Variants in CADPS2 observed in about 807,000 individuals in gnomAD.
CADPS2 encodes the protein calcium dependent secretion activator 2, also known as calcium-dependent secretion activator 2.
Under a neutral mutation model 172.5 loss-of-function variants are expected in CADPS2, and 93 were observed. The ratio of observed to expected loss-of-function variants is 0.54; its 90% CI spans 0.46 to 0.64. The LOEUF (loss-of-function observed/expected upper bound fraction) is 0.64. Among genes scored for constraint, CADPS2 ranks in the 30% least tolerant of loss-of-function variants. The pLI is 0.00. For synonymous variants in CADPS2, 546 were observed against 555.2 expected, an observed-to-expected ratio of 0.98 and a Z score of 0.23; for missense variants, 1,420 against 1,565.9, an observed-to-expected ratio of 0.91 and a Z score of 1.57.
chr7:122,559,553 C>T (rs910231943), intron 7 of CADPS2, among the ~76,000 whole-genome samples: 6 of 151,900 alleles, frequency 3.9e-5, no homozygotes, highest in South Asian at 2.1e-4. Context: ...AGGTGGATCA[C>T]GAGGCCAGGA....
At chr7:122,750,337 T>C (rs556168254) in intron 1 of CADPS2, among the ~76,000 whole-genome samples, 7 of 152,280 alleles carry the variant, frequency 4.6e-5, no homozygotes, top group African/African-American at 1.4e-4. Context: ...CTATGCAGTA[T>C]TTGGGATATA....
At chr7:122,595,548 C>T (rs1055191377) in intron 6 of CADPS2, among the ~76,000 whole-genome samples, 1 of 152,122 alleles carries the variant, frequency 6.6e-6, no homozygotes, top group Non-Finnish European at 1.5e-5. Flanking sequence ...TTTCCAGCTA[C>T]TCCAAAGGTA....
At chr7:122,821,077 T>C (rs201631195) in intron 1 of CADPS2, among the ~76,000 whole-genome samples, 29,113 of 150,468 alleles carry the variant, frequency 0.19, 2,747 homozygotes, top group Middle Eastern at 0.29. Flanking sequence ...CCACAATTAC[T>C]GTTGTTCCTG....
At chr7:122,673,021 C>G (rs2082020100) in intron 2 of CADPS2, among the ~76,000 whole-genome samples, 1 of 152,150 alleles carries the variant, frequency 6.6e-6, no homozygotes, top group Non-Finnish European at 1.5e-5. Flanking sequence ...AAGCTGCAGA[C>G]CTTCGCAGTG....
At chr7:122,388,277 T>C (rs1021066966) in intron 23 of CADPS2, among the ~76,000 whole-genome samples, 16 of 151,960 alleles carry the variant, frequency 1.1e-4, no homozygotes, top group African/African-American at 2.9e-4. Context: ...TCAGGAGATA[T>C]TACCTTGGGA....
At chr7:122,674,748 G>A (rs932326789) in intron 2 of CADPS2, among the ~76,000 whole-genome samples, 5 of 152,144 alleles carry the variant, frequency 3.3e-5, no homozygotes, top group African/African-American at 1.2e-4. Flanking sequence ...AAATCATTGT[G>A]GCTATGAGAT....
At position 122,664,961 on chromosome 7, in the gene CADPS2, AT is replaced by A. The variant is rs3034542; in HGVS notation, c.454-1393del. ...CCATCATGCCTGGGCTAGTTTTTGT[AT>A]TTTTTTTTTTTTTTTTTGTAGATAT... On this transcript the variant is annotated intron_variant, in intron 2 of 29. Transcript: ENST00000449022. 9.0e-3 allele frequency among the ~76,000 whole-genome samples: 1,224 copies of A among 135,546 alleles called. 12 individuals carry two copies. Among genetic ancestry groups the A allele is most frequent in the African/African-American group, 0.025 (897 of 36,550 alleles). 88.9% of individuals were successfully genotyped at this position (135,546 alleles called of 152,430 possible).
chr7:122,342,749 C>G (rs702420), intron 28 of CADPS2, among the ~76,000 whole-genome samples: 121,929 of 152,008 alleles, frequency 0.8, 49,330 homozygotes, highest in East Asian at 1. Context: ...GTGTGTGTAA[C>G]CATGTTTTCA....
intron 3 of CADPS2, among the ~76,000 whole-genome samples, chr7:122,635,180 G>T (rs1336263756): frequency 6.6e-6 from 1 of 152,088 alleles, no homozygotes; most frequent in Non-Finnish European, 1.5e-5. Context: ...GTTAAGTGTT[G>T]AGTTTAATTC....
chr7:122,573,880 C>T (rs1179051952), intron 7 of CADPS2, among the ~76,000 whole-genome samples: 1 of 151,946 alleles, frequency 6.6e-6, no homozygotes, highest in Admixed American at 6.6e-5. Context: ...ATGACTGAAC[C>T]TGCAATTTCT....
intron 2 of CADPS2, chr7:122,698,508 G>A (rs1452364127): frequency 6.2e-7 from 1 of 1,613,948 alleles, no homozygotes; most frequent in Non-Finnish European, 8.5e-7. Context: ...GGAACACCTG[G>A]TTGCCAGTAC....
intron 1 of CADPS2, among the ~76,000 whole-genome samples, chr7:122,873,484 T>C (rs1470617478): frequency 6.6e-6 from 1 of 152,188 alleles, no homozygotes; most frequent in Non-Finnish European, 1.5e-5. Context: ...TCCATGCCCC[T>C]GCAAAGGACA....
At chr7:122,637,794 G>A (rs1463573604) in intron 3 of CADPS2, among the ~76,000 whole-genome samples, 3 of 152,186 alleles carry the variant, frequency 2.0e-5, no homozygotes, top group Admixed American at 6.5e-5. Flanking sequence ...GAGGGCTGAT[G>A]TTCCTTTAAC....
rs561726395 is a variant in CADPS2, at chr7:122,492,303, T to C, written c.1543-883A>G. Among the ~76,000 whole-genome samples the C allele has an allele frequency of 4.0e-4, 61 of 152,284 alleles. No individual in the cohort carries two copies. The South Asian group carries it at 9.8e-3, about 24-fold the overall frequency. On this transcript the variant is annotated intron_variant, in intron 9 of 29. Transcript: ENST00000449022. ...AGGCAGGGCCAGGATGGAGTAAATTTTGGGCAGCCAGTGACAACATTGCCA... is the reference window on the plus strand; with the variant it reads ...AGGCAGGGCCAGGATGGAGTAAATTCTGGGCAGCCAGTGACAACATTGCCA...
At chr7:122,379,276 T>A (rs1026181864) in intron 25 of CADPS2, 92 bp downstream of exon 25, 2 of 818,762 alleles carry the variant, frequency 2.4e-6, no homozygotes, top group African/African-American at 3.5e-5. Context: ...TTAAACTACA[T>A]TTTTTCTCAA....
chr7:122,505,220 A>T (rs2059523309), intron 9 of CADPS2, among the ~76,000 whole-genome samples: 2 of 152,198 alleles, frequency 1.3e-5, no homozygotes, highest in South Asian at 4.1e-4. Context: ...AGCCTTATAA[A>T]TTAGTTGTCA....
In CADPS2 at chr7:122,663,281, C is replaced by A. The variant is rs565887664; in HGVS notation, c.742G>T (p.Gly248Cys). 4 of 1,613,680 alleles carry A rather than the reference C, an allele frequency of 2.5e-6. No homozygotes were observed. Among genetic ancestry groups the A allele is most frequent in the South Asian group, 1.1e-5 (1 of 91,044 alleles). ...QLYEMFQQIL[G>C]IKKLEHQLLY... Reference sequence around the variant, plus strand: ...AGCTGGTGTTCCAGTTTTTTAATACCCAGAATCTGCTGAAACATTTCATAG... The same window carrying A: ...AGCTGGTGTTCCAGTTTTTTAATACACAGAATCTGCTGAAACATTTCATAG... The change falls in exon 3 of 30, where the codon GGT becomes TGT. Residue 248 changes from glycine to cysteine, a missense_variant. By Grantham distance (159) the Gly-to-Cys change is radical. Transcript: ENST00000449022.
At chr7:122,844,124 C>G (rs57496424) in intron 1 of CADPS2, among the ~76,000 whole-genome samples, 2,191 of 152,306 alleles carry the variant, frequency 0.014, 139 homozygotes, top group Admixed American at 0.12. Flanking sequence ...GCTCCTCACA[C>G]GGCCCCACTA....
intron 7 of CADPS2, among the ~76,000 whole-genome samples, chr7:122,562,415 C>A (rs908229424): frequency 6.6e-6 from 1 of 152,088 alleles, no homozygotes; most frequent in African/African-American, 2.4e-5. Flanking sequence ...ATGTAGGCAA[C>A]CCGCAGAAAT....
Sources: allele counts gnomAD v4.1 joint callset (sites outside exome capture counted in the v4.1 genomes callset), GRCh38; gene constraint gnomAD v4.1.1; transcripts MANE v1.5; gene names NCBI Gene and HGNC (gene_info 2026-07-23, HGNC 2026-07-21).